The following ITGB6 variants were observed in gnomAD, a reference collection of about 807,000 sequenced individuals.
ITGB6 encodes the protein integrin subunit beta 6.
In ITGB6, 80 loss-of-function variants were observed where a neutral mutation model predicts 84.5. The ratio of observed to expected loss-of-function variants is 0.95; its 90% CI spans 0.79 to 1.14. The LOEUF is 1.14. Among genes scored for constraint, ITGB6 ranks in the 50% most tolerant of loss-of-function variants. ITGB6 has a pLI of 0.00. For synonymous variants in ITGB6, 383 were observed against 354.9 expected (o/e 1.08, Z -0.89); for missense variants, 1,006 against 968.0 (o/e 1.04, Z -0.52).
At chr2:160,129,432 G>A (rs1002194244) in intron 10 of ITGB6, among the ~76,000 whole-genome samples, 9 of 143,720 alleles carry the variant, frequency 6.3e-5, no homozygotes, top group South Asian at 4.3e-4. Flanking sequence ...TAGGCATTTT[G>A]CCTCCCAAGT....
intron 10 of ITGB6, among the ~76,000 whole-genome samples, chr2:160,128,289 G>C (rs62177931): frequency 6.6e-6 from 1 of 150,650 alleles, no homozygotes; most frequent in Non-Finnish European, 1.5e-5. Context: ...AAAAAAAAAG[G>C]TTCTATGCAT....
At chr2:160,108,361 CTTCT>C (rs796638891) in intron 13 of ITGB6, among the ~76,000 whole-genome samples, 5 of 151,994 alleles carry the variant, frequency 3.3e-5, no homozygotes, top group African/African-American at 1.2e-4. Flanking sequence ...TTACTATTTC[CTTCT>C]TTCTTTATAG....
chr2:160,169,242 A>T lies in ITGB6; in HGVS notation c.987T>A (p.Ala329=). 1 of 1,604,274 alleles carries T rather than the reference A, an allele frequency of 6.2e-7. No individual in the cohort carries two copies. Among genetic ancestry groups the T allele is most frequent in the Non-Finnish European group, 8.5e-7 (1 of 1,176,284 alleles). ...LVQNNVLLIF[A]VTQEQVHLYE... ...ATAAATGAACTTGTTCTTGGGTTACAGCGAAGATCAATAACACGTTGTTTT... is the reference window on the plus strand; with the variant it reads ...ATAAATGAACTTGTTCTTGGGTTACTGCGAAGATCAATAACACGTTGTTTT... Residue 329 remains alanine, a synonymous_variant, in exon 7 of 15, where the codon GCT becomes GCA. Transcript: ENST00000283249.
intron 11 of ITGB6, 108 bp downstream of exon 11, chr2:160,126,271 G>A: frequency 9.9e-7 from 1 of 1,008,270 alleles, no homozygotes; most frequent in South Asian, 1.5e-5. Context: ...GATGTTTGGA[G>A]ACCAAACCAG....
chr2:160,173,543 C>G (rs1000018704), intron 5 of ITGB6, among the ~76,000 whole-genome samples: 1 of 152,160 alleles, frequency 6.6e-6, no homozygotes, highest in African/African-American at 2.4e-5. Context: ...GTTGTAGAGA[C>G]AGCAAACTTC....
intron 7 of ITGB6, among the ~76,000 whole-genome samples, chr2:160,154,603 T>C (rs1168118154): frequency 1.3e-5 from 2 of 152,098 alleles, no homozygotes; most frequent in African/African-American, 2.4e-5. Flanking sequence ...TGAACACTTA[T>C]GTCCACACAA....
chr2:160,137,729 G>A lies in ITGB6; in HGVS notation c.1365C>T (p.Asp455=), dbSNP rs1683808958. The change falls in exon 10 of 15, where the codon GAC becomes GAT. Residue 455 remains aspartate (D), a synonymous_variant. Coordinates refer to ENST00000283249, the MANE Select transcript of ITGB6 (RefSeq NM_000888.5). ...ELLVSPECNC[D]CQKEVEVNSS... is the part of the protein sequence containing the mutation. Reference sequence around the variant, plus strand: ...TGTTCACTTCCACTTCTTTCTGACAGTCGCAGTTGCATTCTGGGCTGACAA... The same window carrying A: ...TGTTCACTTCCACTTCTTTCTGACAATCGCAGTTGCATTCTGGGCTGACAA... 6.2e-7 allele frequency: 1 copy of A among 1,614,236 alleles called. No individual in the cohort carries two copies. The highest frequency in any genetic ancestry group is 8.5e-7 in the Non-Finnish European group (1 of 1,180,042).
At chr2:160,188,480 C>A (rs1462317358) in intron 4 of ITGB6, among the ~76,000 whole-genome samples, 1 of 152,078 alleles carries the variant, frequency 6.6e-6, no homozygotes, top group East Asian at 1.9e-4. Flanking sequence ...AATTTTTGCA[C>A]CCCCTGCAGT....
At chr2:160,167,183 G>C (rs1051313485) in intron 7 of ITGB6, among the ~76,000 whole-genome samples, 4 of 152,128 alleles carry the variant, frequency 2.6e-5, no homozygotes, top group African/African-American at 9.7e-5. Flanking sequence ...AAATCGCACA[G>C]GACTCCTGCA....
chr2:160,132,126 C>A (rs974722285), intron 10 of ITGB6, among the ~76,000 whole-genome samples: 6 of 152,082 alleles, frequency 3.9e-5, no homozygotes, highest in African/African-American at 1.2e-4. Flanking sequence ...TGGGATTCTG[C>A]CCAATATATC....
chr2:160,136,301 T>C (rs1203811294), intron 10 of ITGB6, among the ~76,000 whole-genome samples: 1 of 152,060 alleles, frequency 6.6e-6, no homozygotes, highest in African/African-American at 2.4e-5. Flanking sequence ...CATGAAAAAA[T>C]GCTCATCATC....
intron 4 of ITGB6, among the ~76,000 whole-genome samples, chr2:160,181,012 G>A (rs1356030471): frequency 2.0e-5 from 3 of 152,078 alleles, no homozygotes; most frequent in Non-Finnish European, 2.9e-5. Context: ...AGATTCCCTC[G>A]GGTGCCTATA....
Position 160,138,134 on chromosome 2 carries a change from T to C in ITGB6, c.1173A>G (p.Thr391=). The C allele has an allele frequency of 6.2e-7, 1 of 1,613,986 alleles. No individual in the cohort carries two copies. The highest frequency in any genetic ancestry group is 1.7e-5 in the Admixed American group (1 of 59,986). ...GDTEGLNLSF[T]AICNNGTLFQ... is the part of the protein sequence containing the mutation. ...AGAGGGTACCGTTGTTACAGATGGCTGTAAATGACAAGTTGAGTCCTTCAG... is the reference window on the plus strand; with the variant it reads ...AGAGGGTACCGTTGTTACAGATGGCCGTAAATGACAAGTTGAGTCCTTCAG... Residue 391 remains threonine (T), a synonymous_variant, in exon 9 of 15, where the codon ACA becomes ACG. Coordinates refer to ENST00000283249, the MANE Select transcript of ITGB6 (RefSeq NM_000888.5).
chr2:160,111,203 T>C (rs1007957025), intron 13 of ITGB6, among the ~76,000 whole-genome samples: 12 of 152,222 alleles, frequency 7.9e-5, no homozygotes, highest in African/African-American at 2.9e-4. Context: ...TTCTGGAAAT[T>C]CGTTTTTGTT....
intron 4 of ITGB6, among the ~76,000 whole-genome samples, chr2:160,187,957 T>C (rs1018582609): frequency 1.3e-5 from 2 of 152,102 alleles, no homozygotes; most frequent in African/African-American, 2.4e-5. Flanking sequence ...AACTAGAGAT[T>C]AGTAAGTGTT....
chr2:160,123,999 A>G (rs1683141866), intron 11 of ITGB6, 111 bp from the exon 12 acceptor site: 1 of 664,510 alleles, frequency 1.5e-6, no homozygotes, highest in Non-Finnish European at 2.6e-6. Context: ...AGTATGTCAT[A>G]GATGTCATTA....
chr2:160,139,810 C>A (rs1434501794), intron 8 of ITGB6, among the ~76,000 whole-genome samples: 1 of 152,156 alleles, frequency 6.6e-6, no homozygotes, highest in Non-Finnish European at 1.5e-5. Flanking sequence ...GGAATTTAAA[C>A]ACAAACAGAG....
chr2:160,145,714 T>C (rs1684159365), intron 7 of ITGB6, among the ~76,000 whole-genome samples: 1 of 152,114 alleles, frequency 6.6e-6, no homozygotes, highest in African/African-American at 2.4e-5. Context: ...CAGAGGAACA[T>C]GCGGTCACAC....
chr2:160,181,397 C>A (rs746883312), intron 4 of ITGB6, among the ~76,000 whole-genome samples: 1 of 152,186 alleles, frequency 6.6e-6, no homozygotes, highest in South Asian at 2.1e-4. Context: ...CAGAGCTCAC[C>A]GCAGCTCGGC....
Sources: gnomAD v4.1 joint callset for allele counts (sites outside exome capture counted in the v4.1 genomes callset) on GRCh38, gnomAD v4.1.1 for gene constraint, MANE v1.5 for transcripts, NCBI Gene and HGNC (gene_info 2026-07-23, HGNC 2026-07-21) for gene names.